The following SCMH1 variants were observed in gnomAD, a reference collection of about 807,000 sequenced individuals.
SCMH1 encodes the protein polycomb protein SCMH1.
In SCMH1, 37 loss-of-function variants were observed where a neutral mutation model predicts 70.8. The observed-to-expected ratio is 0.52, with a 90% confidence interval of 0.40 to 0.69. SCMH1 has a LOEUF of 0.69. SCMH1 is among the 30% of genes least tolerant of loss of function. SCMH1 has a pLI of 0.00. For missense variants in SCMH1, 607 were observed against 827.3 expected, an observed-to-expected ratio of 0.73 and a Z score of 3.27; for synonymous variants, 292 against 307.4, an observed-to-expected ratio of 0.95 and a Z score of 0.52.
At chr1:41,138,001 C>G (rs1230537933) in intron 6 of SCMH1, among the ~76,000 whole-genome samples, 1 of 152,208 alleles carries the variant, frequency 6.6e-6, no homozygotes, top group Non-Finnish European at 1.5e-5. Flanking sequence ...CACTATTCTA[C>G]CCTTGTCCCT....
intron 1 of SCMH1, among the ~76,000 whole-genome samples, chr1:41,194,975 T>C (rs1652646286): frequency 6.6e-6 from 1 of 151,460 alleles, no homozygotes; most frequent in Non-Finnish European, 1.5e-5. Context: ...CTACTAAAAA[T>C]ACAAAATTAG....
chr1:41,200,584 G>A lies in SCMH1; in HGVS notation c.-117-14334C>T, dbSNP rs550734053. 5.6e-4 allele frequency among the ~76,000 whole-genome samples: 84 copies of A among 150,864 alleles called. 1 individual carries two copies. In the South Asian group the frequency reaches 0.014, roughly 25 times the overall value. On this transcript the variant is annotated intron_variant, in intron 1 of 14. Transcript: ENST00000337495. ...TTAGGAATAGATACTAAAAACCCAT[G>A]GAACTTTGTATCCTTTACACACGCA...
At chr1:41,213,795 C>T (rs903145913) in intron 1 of SCMH1, among the ~76,000 whole-genome samples, 1 of 152,068 alleles carries the variant, frequency 6.6e-6, no homozygotes, top group African/African-American at 2.4e-5. Context: ...ATGCTTTTCT[C>T]TTGTTAATAT....
intron 10 of SCMH1, among the ~76,000 whole-genome samples, chr1:41,049,619 T>C (rs1482188075): frequency 2.1e-5 from 3 of 141,914 alleles, no homozygotes; most frequent in South Asian, 4.5e-4. Flanking sequence ...AAAAAAAAAA[T>C]AGCCGGGCAT....
In SCMH1 at chr1:41,077,667, A is replaced by G. The variant is rs552488147; in HGVS notation, c.746-2216T>C. Reference sequence around the variant, plus strand: ...AAATTAGGTTCCCAACCAAGAGCCCAAGAGGGTCCGTGTCCAAAAAACAAG... The same window carrying G: ...AAATTAGGTTCCCAACCAAGAGCCCGAGAGGGTCCGTGTCCAAAAAACAAG... On this transcript the variant is annotated intron_variant, in intron 8 of 14. Transcript: ENST00000337495. Among the ~76,000 whole-genome samples the G allele has an allele frequency of 5.7e-4, 87 of 152,306 alleles. 1 individual carries two copies. The highest frequency in any genetic ancestry group is 1.2e-4 in the Non-Finnish European group (8 of 68,028).
chr1:41,165,062 A>G (rs1277690930), intron 2 of SCMH1, among the ~76,000 whole-genome samples: 7 of 151,970 alleles, frequency 4.6e-5, no homozygotes, highest in African/African-American at 1.7e-4. Context: ...CTCCCCTCCC[A>G]GCCTCTGGTT....
intron 1 of SCMH1, among the ~76,000 whole-genome samples, chr1:41,206,734 T>C (rs1161545495): frequency 6.6e-6 from 1 of 152,006 alleles, no homozygotes; most frequent in Non-Finnish European, 1.5e-5. Flanking sequence ...CCAAGACACA[T>C]AATTGTCAAA....
At chr1:41,181,493 A>C (rs986550419) in intron 2 of SCMH1, among the ~76,000 whole-genome samples, 68 of 152,212 alleles carry the variant, frequency 4.5e-4, no homozygotes, top group African/African-American at 1.5e-3. Flanking sequence ...AACTCAAACA[A>C]ATTTACAAGA....
intron 1 of SCMH1, among the ~76,000 whole-genome samples, chr1:41,200,537 A>G (rs1322647435): frequency 2.7e-5 from 4 of 149,180 alleles, no homozygotes; most frequent in Non-Finnish European, 5.9e-5. Context: ...TAATAATAAT[A>G]ATGCTTGTGA....
intron 13 of SCMH1, among the ~76,000 whole-genome samples, chr1:41,031,073 G>C (rs1644453792): frequency 6.6e-6 from 1 of 152,130 alleles, no homozygotes; most frequent in Non-Finnish European, 1.5e-5. Flanking sequence ...GATCGCTTGA[G>C]GCCGGGAGTT....
intron 2 of SCMH1, among the ~76,000 whole-genome samples, chr1:41,176,200 C>CAAAAAAAAAAAAAAAAAAAAAAAAAA: frequency 9.9e-6 from 1 of 101,436 alleles, no homozygotes; most frequent in Non-Finnish European, 2.2e-5. Context: ...AAAAAAAAAA[C>CAAAAAAAAAAAAAAAAAAAAAAAAAA]AAAAAAAAAA....
At chr1:41,133,305 G>C (rs1210558673) in intron 6 of SCMH1, among the ~76,000 whole-genome samples, 2 of 152,020 alleles carry the variant, frequency 1.3e-5, no homozygotes, top group Non-Finnish European at 2.9e-5. Flanking sequence ...TGTATCAATG[G>C]TGAATGGGAG....
intron 12 of SCMH1, among the ~76,000 whole-genome samples, chr1:41,042,737 C>T (rs1275620046): frequency 1.3e-5 from 2 of 152,212 alleles, no homozygotes; most frequent in African/African-American, 4.8e-5. Context: ...TACATGTTCA[C>T]ATATCTCTAC....
intron 8 of SCMH1, among the ~76,000 whole-genome samples, chr1:41,078,511 G>A (rs1184991946): frequency 6.6e-6 from 1 of 152,092 alleles, no homozygotes; most frequent in Admixed American, 6.6e-5. Context: ...AAAAGACAGG[G>A]AGGAAATACA....
rs563962379 is a variant in SCMH1 at position 41,180,559 on chromosome 1, A to T, written c.13+5562T>A. On this transcript the variant is annotated intron_variant, in intron 2 of 14. Coordinates refer to ENST00000337495, the Ensembl canonical transcript of SCMH1. ...GCATTCTTATACACCAATAACAGAC[A>T]AACAGAGAGCCAAATCATGAGTGAA... Among the ~76,000 whole-genome samples, 131 of 152,326 alleles carry T rather than the reference A, an allele frequency of 8.6e-4. 1 individual carries two copies. The highest frequency in any genetic ancestry group is 3.0e-3 in the African/African-American group (126 of 41,564).
At chr1:41,196,918 T>C (rs1042298062) in intron 1 of SCMH1, among the ~76,000 whole-genome samples, 5 of 152,136 alleles carry the variant, frequency 3.3e-5, no homozygotes, top group African/African-American at 9.7e-5. Flanking sequence ...AAAGAAGATA[T>C]ACAGATGGCC....
intron 11 of SCMH1, among the ~76,000 whole-genome samples, chr1:41,046,908 G>C (rs902255422): frequency 6.6e-6 from 1 of 152,184 alleles, no homozygotes; most frequent in Non-Finnish European, 1.5e-5. Flanking sequence ...TCACTTGGTT[G>C]GACCTCCCCC....
chr1:41,057,068 G>T (rs570628047), intron 10 of SCMH1, among the ~76,000 whole-genome samples: 5 of 152,218 alleles, frequency 3.3e-5, no homozygotes, highest in Admixed American at 2.0e-4. Context: ...TTCGGGAGAA[G>T]AGAAATACCG....
chr1:41,101,218 T>G (rs898607135), intron 8 of SCMH1, among the ~76,000 whole-genome samples: 3 of 152,184 alleles, frequency 2.0e-5, no homozygotes, highest in African/African-American at 4.8e-5. Context: ...AAAAACAGTA[T>G]TTTTAGACAT....
Sources: allele counts gnomAD v4.1 joint callset (sites outside exome capture counted in the v4.1 genomes callset), GRCh38; gene constraint gnomAD v4.1.1; transcripts MANE v1.5; gene names NCBI Gene and HGNC (gene_info 2026-07-23, HGNC 2026-07-21).